Variants in BIVM observed in about 807,000 individuals in gnomAD.
The protein encoded by BIVM is basic immunoglobulin-like variable motif-containing protein.
In BIVM, 31 loss-of-function variants were observed where a neutral mutation model predicts 61.4. The observed-to-expected ratio is 0.51, with a 90% CI of 0.38 to 0.68. The LOEUF is 0.68. Ranked by LOEUF, BIVM falls within the 30% of genes least tolerant of loss-of-function variation. The pLI, the probability that BIVM is intolerant of heterozygous loss-of-function variation, is 0.00. For synonymous variants in BIVM, 189 were observed against 210.7 expected, an observed-to-expected ratio of 0.90 and a Z score of 0.89; for missense variants, 526 against 596.0, an observed-to-expected ratio of 0.88 and a Z score of 1.22.
chr13:102,836,408 G>C (rs1881477220), intron 9 of BIVM, among the ~76,000 whole-genome samples: 1 of 152,124 alleles, frequency 6.6e-6, no homozygotes, highest in African/African-American at 2.4e-5. Context: ...GACCTCCTGG[G>C]TTCAAGTGAT....
intron 3 of BIVM, among the ~76,000 whole-genome samples, chr13:102,813,478 C>T (rs1481724766): frequency 6.6e-6 from 1 of 152,026 alleles, no homozygotes; most frequent in Non-Finnish European, 1.5e-5. Context: ...CTATATTTTT[C>T]ATTTATTACA....
chr13:102,822,839 AT>A (rs1880390384), intron 7 of BIVM, among the ~76,000 whole-genome samples: 1 of 152,242 alleles, frequency 6.6e-6, no homozygotes, highest in Non-Finnish European at 1.5e-5. Context: ...AGAAGACTTT[AT>A]TTTAAACTTG....
At chr13:102,824,094 G>T (rs1020622283) in intron 7 of BIVM, among the ~76,000 whole-genome samples, 2 of 152,106 alleles carry the variant, frequency 1.3e-5, no homozygotes, top group African/African-American at 4.8e-5. Flanking sequence ...GTTATTAGAA[G>T]GTATAATAAT....
At chr13:102,812,109 G>C (rs1879539497) in intron 3 of BIVM, among the ~76,000 whole-genome samples, 1 of 151,340 alleles carries the variant, frequency 6.6e-6, no homozygotes, top group Non-Finnish European at 1.5e-5. Flanking sequence ...AATTATTTCA[G>C]TTTTCCCATC....
intron 8 of BIVM, among the ~76,000 whole-genome samples, chr13:102,833,058 A>G (rs1368962689): frequency 2.0e-5 from 3 of 151,940 alleles, no homozygotes; most frequent in African/African-American, 4.8e-5. Flanking sequence ...CAGGAGTTCA[A>G]GACCAGCCTG....
chr13:102,824,813 C>T (rs563318068), intron 7 of BIVM, among the ~76,000 whole-genome samples: 2 of 152,266 alleles, frequency 1.3e-5, no homozygotes, highest in East Asian at 1.9e-4. Flanking sequence ...GGCTGGAATG[C>T]AGTGGCTGTG....
At chr13:102,820,220 C>G (rs369551839) in intron 4 of BIVM, among the ~76,000 whole-genome samples, 1 of 151,894 alleles carries the variant, frequency 6.6e-6, no homozygotes, top group African/African-American at 2.4e-5. Flanking sequence ...GTTGTGGTGG[C>G]GCACGCCTGT....
chr13:102,829,178 A>C (rs1433530102), intron 7 of BIVM, among the ~76,000 whole-genome samples: 9 of 152,158 alleles, frequency 5.9e-5, no homozygotes, highest in Admixed American at 1.3e-4. Flanking sequence ...TCCTCTATAG[A>C]TGATCAGGGT....
intron 6 of BIVM, 101 bp downstream of exon 6, chr13:102,821,948 C>T: frequency 6.6e-7 from 1 of 1,523,282 alleles, no homozygotes; most frequent in East Asian, 2.3e-5. Context: ...AGCTGCTGGG[C>T]TTCAACCTCT....
rs115975434 is a variant in BIVM, at chr13:102,840,913, G to A, written c.*1048G>A. On this transcript the variant is annotated 3_prime_UTR_variant, in exon 11 of 11. Transcript: ENST00000257336. ...CTATACCCAAGGTTATCTGTGAAATGAGATCTCCTGATATTTGATTGCTTT... is the reference window on the plus strand; with the variant it reads ...CTATACCCAAGGTTATCTGTGAAATAAGATCTCCTGATATTTGATTGCTTT... The A allele has an allele frequency of 6.6e-6, 1 of 152,190 alleles. No homozygotes were observed. The highest frequency in any genetic ancestry group is 1.5e-5 in the Non-Finnish European group (1 of 68,036). The allele number at this position is 152,190 out of a possible 1,614,324, so 9.4% of individuals were successfully genotyped here. A position where few individuals can be genotyped will look rare whatever the true frequency, so the allele number is the denominator to read the frequency against.
intron 9 of BIVM, among the ~76,000 whole-genome samples, chr13:102,837,691 T>C (rs1009510612): frequency 6.6e-6 from 1 of 152,232 alleles, no homozygotes; most frequent in Non-Finnish European, 1.5e-5. Context: ...AAATGTGGTA[T>C]GTATATTACC....
chr13:102,808,764 T>C (rs954846959), intron 3 of BIVM, among the ~76,000 whole-genome samples: 5 of 152,132 alleles, frequency 3.3e-5, no homozygotes, highest in African/African-American at 1.2e-4. Context: ...ATTATGGAGT[T>C]GTCTTGATTT....
chr13:102,807,120 T>C lies in BIVM; in HGVS notation c.-122-26T>C. The C allele has an allele frequency of 1.3e-6, 1 of 778,746 alleles. No homozygotes were observed. The allele number at this position is 778,746 out of a possible 1,614,324, so 48.2% of individuals were successfully genotyped here. A position where few individuals can be genotyped will look rare whatever the true frequency, so the allele number is the denominator to read the frequency against. On this transcript the variant is annotated intron_variant, in intron 2 of 10. Transcript: ENST00000257336. The surrounding 1 kb of genome is among the most constrained non-coding windows in gnomAD (Gnocchi z 4.0). Reference sequence around the variant, plus strand: ...GCTCTTTGTGTATCTGGTGGATTGTTGATCATTCTTTTTCCTTCCTCTTAG... The same window carrying C: ...GCTCTTTGTGTATCTGGTGGATTGTCGATCATTCTTTTTCCTTCCTCTTAG...
Position 102,831,654 on chromosome 13 carries a change from A to C in BIVM, c.991A>C (p.Ile331Leu). 1 of 1,614,170 alleles carries C rather than the reference A, an allele frequency of 6.2e-7. No homozygotes were observed. Among genetic ancestry groups the C allele is most frequent in the Non-Finnish European group, 8.5e-7 (1 of 1,180,048 alleles). ...TTGCCAAAATCATTATTTTTGTCCAATTGGCTTCGAAGCAACCCCTGTTAA... is the reference window on the plus strand; with the variant it reads ...TTGCCAAAATCATTATTTTTGTCCACTTGGCTTCGAAGCAACCCCTGTTAA... ...YHCQNHYFCP[I>L]GFEATPVKAN... Residue 331 changes from isoleucine (I) to leucine (L), a missense_variant, in exon 8 of 11, where the codon ATT (isoleucine) becomes CTT (leucine). Physicochemically the swap from Ile to Leu is conservative, Grantham distance 5 (BLOSUM62 2). Transcript: ENST00000257336.
In BIVM at chr13:102,839,753, G is replaced by A. The variant is rs1382934012; in HGVS notation, c.1400G>A (p.Arg467Gln). The change falls in exon 11 of 11, where the codon CGG becomes CAG. Residue 467 changes from arginine (R) to glutamine (Q), a missense_variant. Physicochemically the swap from Arg to Gln is conservative, Grantham distance 43. Coordinates refer to ENST00000257336, the MANE Select transcript of BIVM (RefSeq NM_017693.4). ...ISKKQHGRLG[R>Q]SFSASFHQDS... ...AAGAAGCAGCATGGGCGTCTGGGCC[G>A]GTCTTTCAGTGCTAGTTTCCATCAG... 3.7e-6 allele frequency: 6 copies of A among 1,614,022 alleles called. No individual in the cohort carries two copies. The highest frequency in any genetic ancestry group is 1.3e-5 in the African/African-American group (1 of 74,884).
intron 3 of BIVM, among the ~76,000 whole-genome samples, chr13:102,816,154 C>T (rs1404372647): frequency 1.3e-5 from 2 of 152,208 alleles, no homozygotes; most frequent in African/African-American, 2.4e-5. Context: ...AAGAACCTGA[C>T]ACGAAATAGG....
chr13:102,828,392 G>T (rs898257466), intron 7 of BIVM, among the ~76,000 whole-genome samples: 4 of 152,038 alleles, frequency 2.6e-5, no homozygotes, highest in African/African-American at 7.2e-5. Context: ...TTTCTAGTGG[G>T]TATTGCAGTT....
rs200352358 is a variant in BIVM at position 102,819,759 on chromosome 13, T to TA, written c.606-1269dup. Among the ~76,000 whole-genome samples, 1,193 of 151,852 alleles carry TA rather than the reference T, an allele frequency of 7.9e-3. 21 individuals carry two copies. Among genetic ancestry groups the TA allele is most frequent in the African/African-American group, 0.028 (1,141 of 41,430 alleles). ...CATCCTGCATGTATACCCTGGAACT[T>TA]AAAAAAAAATATTGAAGGGTCATGG... is the stretch of plus-strand genomic sequence containing the variant. On this transcript the variant is annotated intron_variant, in intron 4 of 10. Transcript: ENST00000257336.
chr13:102,813,229 A>T (rs1879621937), intron 3 of BIVM, among the ~76,000 whole-genome samples: 1 of 152,210 alleles, frequency 6.6e-6, no homozygotes, highest in African/African-American at 2.4e-5. Context: ...AAGCTCTGTT[A>T]TTAAGTTCAC....
Sources: allele counts gnomAD v4.1 joint callset (sites outside exome capture counted in the v4.1 genomes callset), GRCh38; gene constraint gnomAD v4.1.1; non-coding constraint Gnocchi (gnomAD v3.1); transcripts MANE v1.5; gene names NCBI Gene and HGNC (gene_info 2026-07-23, HGNC 2026-07-21).